CEP120: variants seen among roughly 807,000 people sequenced by gnomAD.
The protein encoded by CEP120 is centrosomal protein of 120 kDa.
A neutral mutation model predicts 126.5 loss-of-function variants in CEP120; 113 were observed. The ratio of observed to expected loss-of-function variants is 0.89; its 90% CI spans 0.77 to 1.04. The LOEUF (loss-of-function observed/expected upper bound fraction) is 1.04. Among genes scored for constraint, CEP120 ranks in the 50% least tolerant of loss-of-function variants. The pLI, the probability that CEP120 is intolerant of heterozygous loss-of-function variation, is 0.00. For missense variants in CEP120, 1,230 were observed against 1,155.7 expected (o/e 1.06, Z -0.93); for synonymous variants, 400 against 394.3 (o/e 1.01, Z -0.17).
chr5:123,397,719 A>T (rs1772880511), intron 5 of CEP120, among the ~76,000 whole-genome samples: 1 of 152,230 alleles, frequency 6.6e-6, no homozygotes, highest in Non-Finnish European at 1.5e-5. Flanking sequence ...TTGCAAGTCA[A>T]ATAAAATTGT....
In CEP120 at chr5:123,408,632, C is replaced by T. The variant is rs1004273231; in HGVS notation, c.463+3767G>A. On this transcript the variant is annotated intron_variant, in intron 4 of 19. Transcript: ENST00000306467. ...AAGAAATTGAGTCAATAATCAATAA[C>T]CTTCCCAAACAGAAAGTACCAGGTC... Among the ~76,000 whole-genome samples the T allele has an allele frequency of 2.4e-4, 36 of 152,168 alleles. 1 individual carries two copies. The highest frequency in any genetic ancestry group is 6.0e-4 in the African/African-American group (25 of 41,542).
chr5:123,348,856 C>A (rs1769008787), intron 19 of CEP120, among the ~76,000 whole-genome samples: 1 of 152,142 alleles, frequency 6.6e-6, no homozygotes, highest in Non-Finnish European at 1.5e-5. Context: ...AGAGAGGACA[C>A]AGTGAGAAGG....
At chr5:123,389,431 AATT>A (rs1471046237) in intron 8 of CEP120, among the ~76,000 whole-genome samples, 1 of 152,096 alleles carries the variant, frequency 6.6e-6, no homozygotes, top group Non-Finnish European at 1.5e-5. Context: ...TAATTTAGAG[AATT>A]ATATTTTGAA....
intron 2 of CEP120, 53 bp downstream of exon 2, chr5:123,418,306 C>G (rs1051762967): frequency 1.4e-6 from 2 of 1,464,868 alleles, no homozygotes; most frequent in African/African-American, 2.8e-5. Flanking sequence ...TTATTTATAA[C>G]AGCCTGAAAA....
At chr5:123,411,256 T>C (rs1774037183) in intron 4 of CEP120, among the ~76,000 whole-genome samples, 1 of 152,222 alleles carries the variant, frequency 6.6e-6, no homozygotes, top group South Asian at 2.1e-4. Flanking sequence ...ACGGCCACTT[T>C]GGAAGGCAGT....
At position 123,421,760 on chromosome 5, in the gene CEP120, A is replaced by ATAGCATGGTCAGTTGT. The variant is rs1774733086; in HGVS notation, c.49+1189_49+1190insACAACTGACCATGCTA. On this transcript the variant is annotated intron_variant, in intron 1 of 19. Coordinates refer to ENST00000306467, the MANE Select transcript of CEP120 (RefSeq NM_001375405.1). ...TCATAGCATGGTCAGTTATAAGTCT[A>ATAGCATGGTCAGTTGT]AAAACTGTTGTTAACCAAATTTTAA... 2.0e-5 allele frequency among the ~76,000 whole-genome samples: 3 copies of ATAGCATGGTCAGTTGT among 152,224 alleles called. No homozygotes were observed. The South Asian group carries it at 6.2e-4, about 32-fold the overall frequency.
chr5:123,375,142 C>A (rs1771122271), intron 16 of CEP120, among the ~76,000 whole-genome samples: 2 of 152,088 alleles, frequency 1.3e-5, no homozygotes. Flanking sequence ...ACTTAGCAAT[C>A]TGGGCATCTT....
intron 18 of CEP120, chr5:123,358,588 TTACTC>T (rs1311804929): frequency 6.6e-6 from 1 of 152,106 alleles, no homozygotes; most frequent in East Asian, 1.9e-4. Flanking sequence ...TAGCTTTAGA[TTACTC>T]TATAAAAGTA....
intron 6 of CEP120, among the ~76,000 whole-genome samples, chr5:123,391,923 T>G (rs1402840871): frequency 6.6e-6 from 1 of 152,076 alleles, no homozygotes; most frequent in African/African-American, 2.4e-5. Context: ...TAATCACTGA[T>G]AGCTAATTAA....
At chr5:123,394,025 G>A (rs1387416029) in intron 5 of CEP120, among the ~76,000 whole-genome samples, 1 of 152,284 alleles carries the variant, frequency 6.6e-6, no homozygotes, top group South Asian at 2.1e-4. Context: ...TTTGTACTAT[G>A]AGTGTTACTT....
Position 123,372,319 on chromosome 5 carries a change from G to C in CEP120, c.2481+331C>G, listed in dbSNP as rs541898644. ...GAGCAACCGAAGTAGACTGTTTTCTGACAGGATCTTGGCTATGCCTTGCTT... is the reference window on the plus strand; with the variant it reads ...GAGCAACCGAAGTAGACTGTTTTCTCACAGGATCTTGGCTATGCCTTGCTT... On this transcript the variant is annotated intron_variant, in intron 17 of 19. Coordinates refer to ENST00000306467, the MANE Select transcript of CEP120 (RefSeq NM_001375405.1). Among the ~76,000 whole-genome samples the C allele has an allele frequency of 1.3e-4, 20 of 152,180 alleles. No individual in the cohort carries two copies. In the South Asian group the frequency reaches 3.5e-3, roughly 27 times the overall value.
At chr5:123,406,712 G>A (rs1773702101) in intron 4 of CEP120, among the ~76,000 whole-genome samples, 1 of 151,674 alleles carries the variant, frequency 6.6e-6, no homozygotes, top group Non-Finnish European at 1.5e-5. Flanking sequence ...AGACCTGTGT[G>A]CAAGAAATAT....
At chr5:123,395,948 C>T (rs1762168411) in intron 5 of CEP120, among the ~76,000 whole-genome samples, 1 of 150,456 alleles carries the variant, frequency 6.6e-6, no homozygotes, top group Non-Finnish European at 1.5e-5. Context: ...TCCCAAAGTG[C>T]TGGGATTACA....
chr5:123,346,204 C>T lies in CEP120; in HGVS notation c.*315G>A, dbSNP rs1038260356. 7.4e-5 allele frequency: 18 copies of T among 243,334 alleles called. No individual in the cohort carries two copies. The highest frequency in any genetic ancestry group is 2.1e-4 in the Admixed American group (4 of 19,400). 15.1% of individuals were successfully genotyped at this position (243,334 alleles called of 1,614,324 possible). ...GAAACATTATAGAACTGGAAATTAC[C>T]GCAGTCATTTCTCCTACAACAAACT... On this transcript the variant is annotated 3_prime_UTR_variant, in exon 20 of 20. Transcript: ENST00000306467.
At chr5:123,359,772 ATTT>A (rs928221967) in intron 18 of CEP120, among the ~76,000 whole-genome samples, 1 of 151,932 alleles carries the variant, frequency 6.6e-6, no homozygotes, top group African/African-American at 2.4e-5. Context: ...AAAAGAAAAG[ATTT>A]TTTTCTAAAT....
At chr5:123,386,710 A>C in intron 9 of CEP120, 43 bp from the exon 10 acceptor site, 1 of 1,316,144 alleles carries the variant, frequency 7.6e-7, no homozygotes, top group Non-Finnish European at 1.0e-6. Context: ...CCTTAATGAT[A>C]TGGTTTACAG....
In CEP120 at chr5:123,390,072, G is replaced by A; in HGVS notation, c.1107C>T (p.Pro369=). The change falls in exon 8 of 20, where the codon CCC becomes CCT. Residue 369 remains proline (P), a synonymous_variant. Coordinates refer to ENST00000306467, the MANE Select transcript of CEP120 (RefSeq NM_001375405.1). ...GCCCAGTAAGTGTCTTCTCCTTTAT[G>A]GGGGTTAAAACTTTCTTCTTTGAAT... is the stretch of plus-strand genomic sequence containing the variant. The part of the protein sequence containing the change: ...PEHSKKKVLT[P]IKEKTLTGPK... The A allele has an allele frequency of 6.2e-7, 1 of 1,613,992 alleles. No homozygotes were observed. The highest frequency in any genetic ancestry group is 8.5e-7 in the Non-Finnish European group (1 of 1,179,918).
chr5:123,384,641 A>G (rs1468016080), intron 11 of CEP120, among the ~76,000 whole-genome samples: 1 of 152,184 alleles, frequency 6.6e-6, no homozygotes, highest in African/African-American at 2.4e-5. Flanking sequence ...ACAAAATAAA[A>G]AAATAGATCC....
At chr5:123,368,710 T>C (rs1770642947) in intron 17 of CEP120, among the ~76,000 whole-genome samples, 1 of 151,898 alleles carries the variant, frequency 6.6e-6, no homozygotes, top group Non-Finnish European at 1.5e-5. Context: ...GTCCAGGAGA[T>C]GGACACTATT....
Sources: allele counts gnomAD v4.1 joint callset (sites outside exome capture counted in the v4.1 genomes callset), GRCh38; gene constraint gnomAD v4.1.1; transcripts MANE v1.5; gene names NCBI Gene and HGNC (gene_info 2026-07-23, HGNC 2026-07-21).